The following DIO2 variants were observed in gnomAD, a reference collection of about 807,000 sequenced individuals.
DIO2 encodes iodothyronine deiodinase 2, also known as type II iodothyronine deiodinase.
A neutral mutation model predicts 21.4 loss-of-function variants in DIO2; 19 were observed. The observed-to-expected ratio is 0.89, with a 90% CI of 0.62 to 1.30. DIO2 has a LOEUF of 1.30. Among genes scored for constraint, DIO2 ranks in the 50% most tolerant of loss-of-function variants. The probability of loss-of-function intolerance (pLI) is 0.00; values close to 1 mark genes in which losing one functional copy is unlikely to be tolerated. For synonymous variants in DIO2, 122 were observed against 132.9 expected, an observed-to-expected ratio of 0.92 and a Z score of 0.57; for missense variants, 302 against 338.1, an observed-to-expected ratio of 0.89 and a Z score of 0.84.
chr14:80,211,329 G>C lies in DIO2; in HGVS notation c.144C>G (p.Arg48=). 1.2e-6 allele frequency: 2 copies of C among 1,613,722 alleles called. No individual in the cohort carries two copies. Among genetic ancestry groups the C allele is most frequent in the African/African-American group, 1.3e-5 (1 of 74,984 alleles). ...VLLLSRSKST[R]GEWRRMLTSE... ...AGGTCAGCATGCGCCGCCACTCTCC[G>C]CGAGTGGACTTGGAGCGGCTCAACA... The change falls in exon 1 of 2, where the codon CGC becomes CGG. Residue 48 remains arginine, a synonymous_variant. Transcript: ENST00000438257.
rs1228065103 is a variant in DIO2 at position 80,197,590 on chromosome 14, A to G, written c.*5099T>C. 4 of 152,632 alleles carry G rather than the reference A, an allele frequency of 2.6e-5. No homozygotes were observed. The highest frequency in any genetic ancestry group is 2.6e-4 in the Admixed American group (4 of 15,284). 9.5% of individuals were successfully genotyped at this position (152,632 alleles called of 1,614,324 possible). A position where few individuals can be genotyped will look rare whatever the true frequency, so the allele number is the denominator to read the frequency against. On this transcript the variant is annotated 3_prime_UTR_variant, in exon 2 of 2. Coordinates refer to ENST00000438257, the MANE Select transcript of DIO2 (RefSeq NM_013989.5). ...AACAAATTGTATAAGCACACATAGC[A>G]CTCAGCACCAATATGATAACACTCT...
At chr14:80,223,226 T>A (rs1275227912) in intron 2 of DIO2, among the ~76,000 whole-genome samples, 1 of 152,140 alleles carries the variant, frequency 6.6e-6, no homozygotes, top group Non-Finnish European at 1.5e-5. Context: ...ATACTAATGG[T>A]GAAAAACCCA....
rs140124641 is a variant in DIO2, at chr14:80,220,729, C to T, written c.-277-3992G>A. On this transcript the variant is annotated intron_variant, in intron 2 of 4. Coordinates refer to the DIO2 transcript ENST00000553594. ...TTCCAATTCTCCTCAGTCTAAACCT[C>T]AGGAAATTACTCTTGCTTCTTTATT... Among the ~76,000 whole-genome samples the T allele has an allele frequency of 1.2e-3, 184 of 152,242 alleles. No individual in the cohort carries two copies. In the Middle Eastern group the frequency reaches 0.037, roughly 31 times the overall value.
Position 80,221,648 on chromosome 14 carries a change from G to A in DIO2, c.-277-4911C>T, listed in dbSNP as rs145536356. ...TCCAGGTCATAAGAATCTGACAACT[G>A]TGATAAAACAGAAGCAGATGATAAG... On this transcript the variant is annotated intron_variant, in intron 2 of 4. Coordinates refer to the DIO2 transcript ENST00000553594. Among the ~76,000 whole-genome samples the A allele has an allele frequency of 6.3e-3, 959 of 152,202 alleles. 5 individuals carry two copies. Among genetic ancestry groups the A allele is most frequent in the Non-Finnish European group, 1.0e-2 (678 of 68,002 alleles).
chr14:80,218,703 C>G (rs897500818), intron 2 of DIO2, among the ~76,000 whole-genome samples: 1 of 152,152 alleles, frequency 6.6e-6, no homozygotes, highest in Non-Finnish European at 1.5e-5. Context: ...TTGGGCCTGG[C>G]AAGGTGGGTC....
chr14:80,227,747 C>T (rs1403096985), intron 2 of DIO2, among the ~76,000 whole-genome samples: 2 of 152,168 alleles, frequency 1.3e-5, no homozygotes, highest in Non-Finnish European at 2.9e-5. Flanking sequence ...GGACCTTTTG[C>T]AGAACCTTCT....
chr14:80,212,641 C>T (rs1594878780), upstream of DIO2, among the ~76,000 whole-genome samples: 2 of 152,086 alleles, frequency 1.3e-5, no homozygotes, highest in South Asian at 2.1e-4. Flanking sequence ...ATCTTTATAC[C>T]TTTATACCAT....
At chr14:80,205,837 T>C in intron 1 of DIO2, 1 of 605,188 alleles carries the variant, frequency 1.7e-6, no homozygotes, top group Non-Finnish European at 2.3e-6. Context: ...AGTATTTATT[T>C]TATTGAATGA....
At chr14:80,211,719 A>G (rs1159718428), upstream of DIO2, 1 of 216,618 alleles carries the variant, frequency 4.6e-6, no homozygotes, top group Admixed American at 7.3e-5. Flanking sequence ...AATTCATTCA[A>G]TTCGGAGCTG....
In DIO2 at chr14:80,201,536, C is replaced by T. The variant is rs1887723911; in HGVS notation, c.*1153G>A. On this transcript the variant is annotated 3_prime_UTR_variant, in exon 2 of 2. Coordinates refer to ENST00000438257, the MANE Select transcript of DIO2 (RefSeq NM_013989.5). ...GTGTATGTACGTATAATTTCTTCAGCTCAGCATTCAGAGAGAACACTGCTA... is the reference window on the plus strand; with the variant it reads ...GTGTATGTACGTATAATTTCTTCAGTTCAGCATTCAGAGAGAACACTGCTA... The T allele has an allele frequency of 6.6e-6, 1 of 152,068 alleles. No individual in the cohort carries two copies. The highest frequency in any genetic ancestry group is 2.1e-4 in the South Asian group (1 of 4,824). 9.4% of individuals were successfully genotyped at this position (152,068 alleles called of 1,614,324 possible).
chr14:80,218,635 A>C (rs1442258634), intron 2 of DIO2, among the ~76,000 whole-genome samples: 1 of 152,186 alleles, frequency 6.6e-6, no homozygotes, highest in African/African-American at 2.4e-5. Flanking sequence ...GAGAAAAATC[A>C]ATGACATTTT....
chr14:80,218,162 C>T (rs541210819), intron 2 of DIO2, among the ~76,000 whole-genome samples: 1 of 151,900 alleles, frequency 6.6e-6, no homozygotes, highest in Non-Finnish European at 1.5e-5. Context: ...TAGATGCCTT[C>T]TAATAAGACC....
rs1566656852 is a variant in DIO2 at position 80,197,921 on chromosome 14, C to T, written c.*4768G>A. The T allele has an allele frequency of 6.6e-5, 10 of 152,632 alleles. No individual in the cohort carries two copies. The allele number at this position is 152,632 out of a possible 1,614,324, so 9.5% of individuals were successfully genotyped here. Reference sequence around the variant, plus strand: ...TAGTGAGTCTGGTGACAATGTGATGCAAAACTAAACAAAACTGGCCAACAT... The same window carrying T: ...TAGTGAGTCTGGTGACAATGTGATGTAAAACTAAACAAAACTGGCCAACAT... On this transcript the variant is annotated 3_prime_UTR_variant, in exon 2 of 2. Coordinates refer to ENST00000438257, the MANE Select transcript of DIO2 (RefSeq NM_013989.5).
chr14:80,202,988 C>T lies in DIO2; in HGVS notation c.523G>A (p.Asp175Asn), dbSNP rs771690009. 9.3e-6 allele frequency: 15 copies of T among 1,613,898 alleles called. No homozygotes were observed. The South Asian group carries it at 1.4e-4, about 15-fold the overall frequency. Reference protein sequence around the residue: ...HPSDGWAIPGDSSLSFEVKKH... With the variant: ...HPSDGWAIPGNSSLSFEVKKH... The stretch of plus-strand genomic sequence containing the variant: ...TTCACCTCAAAAGACAAAGAGGAGT[C>T]CCCCGGTATCGCCCAGCCATCTGAT... The change falls in exon 2 of 2, where the codon GAC becomes AAC. Residue 175 changes from aspartate (D) to asparagine (N), a missense_variant. Asp to Asn is a conservative substitution (Grantham distance 23). Transcript: ENST00000438257.
At chr14:80,204,210 A>T (rs1887861670) in intron 1 of DIO2, among the ~76,000 whole-genome samples, 1 of 152,208 alleles carries the variant, frequency 6.6e-6, no homozygotes, top group Non-Finnish European at 1.5e-5. Context: ...CATTTAAAAA[A>T]AAAATAAAAA....
rs1055699452 is a variant in DIO2, at chr14:80,204,211, A to T, written c.223-923T>A. ...AATCTTACAATTTCCATTTAAAAAA[A>T]AAATAAAAACAGACAAAAAAACAAA... On this transcript the variant is annotated intron_variant, in intron 1 of 1. Transcript: ENST00000438257. Among the ~76,000 whole-genome samples the T allele has an allele frequency of 3.9e-5, 6 of 152,214 alleles. No individual in the cohort carries two copies. The East Asian group carries it at 1.2e-3, about 29-fold the overall frequency.
intron 2 of DIO2, among the ~76,000 whole-genome samples, chr14:80,229,700 TA>T (rs1315069250): frequency 6.6e-6 from 1 of 152,150 alleles, no homozygotes; most frequent in African/African-American, 2.4e-5. Flanking sequence ...ACCAAGCAAA[TA>T]AACTATTAGA....
chr14:80,228,770 C>T (rs535446905), intron 2 of DIO2, among the ~76,000 whole-genome samples: 5 of 152,272 alleles, frequency 3.3e-5, no homozygotes, highest in East Asian at 1.9e-4. Context: ...ACCCACTATA[C>T]GTTGGACCTG....
At chr14:80,214,863 C>T (rs567249054), upstream of DIO2, among the ~76,000 whole-genome samples, 15 of 152,216 alleles carry the variant, frequency 9.9e-5, no homozygotes, top group South Asian at 4.1e-4. Context: ...GGAGTCCAAG[C>T]GGGTGTTGGG....
Sources: allele counts gnomAD v4.1 joint callset (sites outside exome capture counted in the v4.1 genomes callset), GRCh38; gene constraint gnomAD v4.1.1; transcripts MANE v1.5; gene names NCBI Gene and HGNC (gene_info 2026-07-23, HGNC 2026-07-21).